The following LRP1B variants were observed in gnomAD, a reference collection of about 807,000 sequenced individuals.
The protein encoded by LRP1B is LDL receptor related protein 1B, also known as low-density lipoprotein receptor-related protein 1B.
LRP1B carries 217 observed loss-of-function variants against 556.6 expected under a neutral mutation model. The observed-to-expected ratio is 0.39, with a 90% CI of 0.35 to 0.44. The LOEUF (loss-of-function observed/expected upper bound fraction) is 0.44, where lower values mean the gene tolerates loss of function less well. Ranked by LOEUF, LRP1B falls within the 20% of genes least tolerant of loss-of-function variation. The pLI is 1.00. For missense variants in LRP1B, 5,053 were observed against 5,620.8 expected, an observed-to-expected ratio of 0.90 and a Z score of 3.23; for synonymous variants, 2,047 against 1,865.8, an observed-to-expected ratio of 1.10 and a Z score of -2.50.
At chr2:141,883,988 C>G (rs1558938735) in intron 1 of LRP1B, among the ~76,000 whole-genome samples, 3 of 152,080 alleles carry the variant, frequency 2.0e-5, no homozygotes, top group Admixed American at 1.3e-4. Context: ...TTCAAGCAAC[C>G]AAATTGTTTT....
At chr2:141,817,948 G>A (rs1478834397) in intron 1 of LRP1B, among the ~76,000 whole-genome samples, 3 of 151,976 alleles carry the variant, frequency 2.0e-5, no homozygotes, top group South Asian at 2.1e-4. Context: ...CAGATAATAA[G>A]GTTTAAAAAT....
Position 140,893,629 on chromosome 2 carries a change from C to T in LRP1B, c.3767-7294G>A, listed in dbSNP as rs142622808. On this transcript the variant is annotated intron_variant, in intron 23 of 90. Coordinates refer to ENST00000389484, the MANE Select transcript of LRP1B (RefSeq NM_018557.3). The stretch of plus-strand genomic sequence containing the variant: ...TTCTTGGGAGTAATAAATACATGAT[C>T]GTATTTTAGGTGTTGGGTAAATGGT... Among the ~76,000 whole-genome samples, 293 of 152,064 alleles carry T rather than the reference C, an allele frequency of 1.9e-3. 1 individual carries two copies. The highest frequency in any genetic ancestry group is 6.5e-3 in the African/African-American group (271 of 41,470).
At chr2:140,250,523 T>C (rs1681366282) in intron 86 of LRP1B, among the ~76,000 whole-genome samples, 2 of 122,884 alleles carry the variant, frequency 1.6e-5, no homozygotes, top group African/African-American at 5.5e-5. Context: ...CTTTGACTTC[T>C]TTTTTTTTTT....
intron 43 of LRP1B, among the ~76,000 whole-genome samples, chr2:140,578,091 T>C (rs1394433249): frequency 6.6e-6 from 1 of 152,220 alleles, no homozygotes; most frequent in African/African-American, 2.4e-5. Flanking sequence ...ACTTCTGATG[T>C]GTTCTTTGAA....
chr2:141,707,135 T>C (rs1393439639), intron 2 of LRP1B, among the ~76,000 whole-genome samples: 2 of 152,138 alleles, frequency 1.3e-5, no homozygotes, highest in Non-Finnish European at 2.9e-5. Flanking sequence ...TTCACATTAA[T>C]GACCATAGGT....
intron 43 of LRP1B, among the ~76,000 whole-genome samples, chr2:140,567,358 C>T (rs777444762): frequency 3.3e-5 from 5 of 152,192 alleles, no homozygotes; most frequent in Admixed American, 2.0e-4. Flanking sequence ...TGACTTATTC[C>T]TTGGGAGCCA....
intron 43 of LRP1B, among the ~76,000 whole-genome samples, chr2:140,557,183 C>A (rs534384234): frequency 6.6e-6 from 1 of 152,010 alleles, no homozygotes; most frequent in Non-Finnish European, 1.5e-5. Flanking sequence ...ACATTACTTC[C>A]CACCTTCAAC....
chr2:140,692,036 T>C (rs1395939769), intron 41 of LRP1B, among the ~76,000 whole-genome samples: 1 of 152,136 alleles, frequency 6.6e-6, no homozygotes, highest in Non-Finnish European at 1.5e-5. Flanking sequence ...TGATTTTTAA[T>C]GTGCTTAATT....
At chr2:141,730,567 G>A (rs1338841963) in intron 2 of LRP1B, among the ~76,000 whole-genome samples, 1 of 152,062 alleles carries the variant, frequency 6.6e-6, no homozygotes, top group Non-Finnish European at 1.5e-5. Context: ...CATTCTTGTT[G>A]TCCCTCCATC....
At chr2:141,591,621 C>T (rs1016473097) in intron 2 of LRP1B, among the ~76,000 whole-genome samples, 4 of 133,140 alleles carry the variant, frequency 3.0e-5, no homozygotes, top group African/African-American at 1.0e-4. Context: ...TGTGTGTCTC[C>T]ATGTGTGTTT....
At chr2:141,235,235 G>C (rs1469861860) in intron 5 of LRP1B, among the ~76,000 whole-genome samples, 3 of 151,530 alleles carry the variant, frequency 2.0e-5, no homozygotes, top group Non-Finnish European at 4.4e-5. Flanking sequence ...TATTCTTTGG[G>C]TAAATATTTT....
At position 140,999,553 on chromosome 2, in the gene LRP1B, A is replaced by G. The variant is rs190615696; in HGVS notation, c.2504-5418T>C. 4.6e-3 allele frequency among the ~76,000 whole-genome samples: 699 copies of G among 152,242 alleles called. 3 individuals carry two copies. Among genetic ancestry groups the G allele is most frequent in the African/African-American group, 0.016 (679 of 41,586 alleles). On this transcript the variant is annotated intron_variant, in intron 15 of 90. Transcript: ENST00000389484. The stretch of plus-strand genomic sequence containing the variant: ...ATTTCCTTACAAGCCAAAGTCATTT[A>G]AATTTTATTTACACAGAGATATGCA...
At chr2:140,430,324 A>G (rs1407400980) in intron 66 of LRP1B, among the ~76,000 whole-genome samples, 1 of 152,194 alleles carries the variant, frequency 6.6e-6, no homozygotes, top group African/African-American at 2.4e-5. Context: ...TATGCCTTTC[A>G]TATTCTGTAC....
At chr2:141,808,766 C>A (rs1696243944) in intron 2 of LRP1B, among the ~76,000 whole-genome samples, 1 of 152,066 alleles carries the variant, frequency 6.6e-6, no homozygotes, top group Non-Finnish European at 1.5e-5. Context: ...CCCTACCTAG[C>A]CCCTGGCAAC....
chr2:141,915,781 C>T (rs948622113), intron 1 of LRP1B, among the ~76,000 whole-genome samples: 1 of 152,180 alleles, frequency 6.6e-6, no homozygotes, highest in African/African-American at 2.4e-5. Context: ...AAGACATCAA[C>T]AGGCACTTCT....
At position 141,108,620 on chromosome 2, in the gene LRP1B, G is replaced by C. The variant is rs191252154; in HGVS notation, c.1014-46347C>G. On this transcript the variant is annotated intron_variant, in intron 7 of 90. Transcript: ENST00000389484. ...CCACCTCAGCCTCCCAAAGTGCTGGGATTGCAGGTATGAGCCACCGTGCCC... is the reference window on the plus strand; with the variant it reads ...CCACCTCAGCCTCCCAAAGTGCTGGCATTGCAGGTATGAGCCACCGTGCCC... Among the ~76,000 whole-genome samples the C allele has an allele frequency of 5.9e-5, 9 of 152,026 alleles. No individual in the cohort carries two copies. The East Asian group carries it at 1.4e-3, about 23-fold the overall frequency.
chr2:140,319,127 A>C (rs969184399), intron 82 of LRP1B, among the ~76,000 whole-genome samples: 1 of 151,960 alleles, frequency 6.6e-6, no homozygotes, highest in Non-Finnish European at 1.5e-5. Flanking sequence ...TTAGTTTTGG[A>C]CACATAATTT....
At chr2:141,699,179 G>A (rs1691845503) in intron 2 of LRP1B, among the ~76,000 whole-genome samples, 1 of 151,738 alleles carries the variant, frequency 6.6e-6, no homozygotes, top group Non-Finnish European at 1.5e-5. Context: ...CTTCACATTA[G>A]AATCATCTGG....
chr2:141,917,352 T>C (rs1049741585), intron 1 of LRP1B, among the ~76,000 whole-genome samples: 2 of 152,270 alleles, frequency 1.3e-5, no homozygotes, highest in Admixed American at 1.3e-4. Context: ...TGGTGTATGG[T>C]GTGTGGTGTG....
Sources: gnomAD v4.1 joint callset for allele counts (sites outside exome capture counted in the v4.1 genomes callset) on GRCh38, gnomAD v4.1.1 for gene constraint, MANE v1.5 for transcripts, NCBI Gene and HGNC (gene_info 2026-07-23, HGNC 2026-07-21) for gene names.